CNNM1: variants seen among roughly 807,000 people sequenced by gnomAD.
CNNM1 encodes the protein cyclin and CBS domain divalent metal cation transport mediator 1.
In CNNM1, 44 loss-of-function variants were observed where a neutral mutation model predicts 78.8. That is an observed-to-expected ratio of 0.56 (90% CI 0.44 to 0.72). The LOEUF is 0.72. Among genes scored for constraint, CNNM1 ranks in the 30% least tolerant of loss-of-function variants. The pLI, the probability that CNNM1 is intolerant of heterozygous loss-of-function variation, is 0.00. For synonymous variants in CNNM1, 584 were observed against 581.5 expected (o/e 1.00, Z -0.06); for missense variants, 1,101 against 1,292.2 (o/e 0.85, Z 2.27).
At chr10:99,346,201 G>A (rs1034201864) in intron 1 of CNNM1, among the ~76,000 whole-genome samples, 2 of 152,118 alleles carry the variant, frequency 1.3e-5, no homozygotes, top group African/African-American at 4.8e-5. Flanking sequence ...TCGTTAATCC[G>A]GTTTTAGTGT....
intron 1 of CNNM1, among the ~76,000 whole-genome samples, chr10:99,352,878 T>A (rs1017894584): frequency 1.3e-5 from 2 of 152,202 alleles, no homozygotes; most frequent in African/African-American, 2.4e-5. Context: ...TCTATTTTTT[T>A]AATTTGATTG....
At chr10:99,390,494 G>GA in intron 10 of CNNM1, 87 bp downstream of exon 10, 1 of 995,746 alleles carries the variant, frequency 1.0e-6, no homozygotes, top group Non-Finnish European at 1.6e-6. Context: ...CTTGGGGGAG[G>GA]AGCCATGGAC....
intron 7 of CNNM1, among the ~76,000 whole-genome samples, chr10:99,381,773 A>C (rs1336006223): frequency 1.3e-5 from 2 of 151,726 alleles, no homozygotes; most frequent in Non-Finnish European, 1.5e-5. Context: ...CAAAAAAAAA[A>C]CTTTGATTAA....
rs1850582705 is a variant in CNNM1, at chr10:99,330,339, G to A, written c.952G>A (p.Glu318Lys). ...GFGGTGEDYS[E>K]EGIHFPWLPA... The stretch of plus-strand genomic sequence containing the variant: ...CGGGGGCACCGGGGAAGACTACAGC[G>A]AAGAGGGGATCCACTTCCCGTGGCT... The change falls in exon 1 of 11, where the codon GAA (glutamate) becomes AAA (lysine). Residue 318 changes from glutamate (E) to lysine (K), a missense_variant. This residue lies in a region of CNNM1 where 476 missense variants were observed against 484.5 expected (regional missense o/e 0.98). Transcript: ENST00000356713. The A allele has an allele frequency of 6.2e-7, 1 of 1,601,050 alleles. No individual in the cohort carries two copies. The highest frequency in any genetic ancestry group is 8.5e-7 in the Non-Finnish European group (1 of 1,174,886).
rs184905409 is a variant in CNNM1, at chr10:99,340,654, T to C, written c.1573+9694T>C. ...AGCTCTAAATTCTCTTTTTATTTGCTACTGTTATATTCCTTTTCAAAATGG... is the reference window on the plus strand; with the variant it reads ...AGCTCTAAATTCTCTTTTTATTTGCCACTGTTATATTCCTTTTCAAAATGG... On this transcript the variant is annotated intron_variant, in intron 1 of 10. Transcript: ENST00000356713. Among the ~76,000 whole-genome samples, 16 of 152,250 alleles carry C rather than the reference T, an allele frequency of 1.1e-4. No homozygotes were observed. In the East Asian group the frequency reaches 3.1e-3, roughly 29 times the overall value.
intron 1 of CNNM1, 140 bp downstream of exon 1, chr10:99,331,100 C>A: frequency 1.2e-6 from 1 of 800,846 alleles, no homozygotes; most frequent in Non-Finnish European, 1.9e-6. Context: ...TACCTCTTGG[C>A]TCCCTGGCTA....
At chr10:99,353,419 C>CAAT (rs1386156951) in intron 1 of CNNM1, among the ~76,000 whole-genome samples, 2 of 152,026 alleles carry the variant, frequency 1.3e-5, no homozygotes, top group Non-Finnish European at 2.9e-5. Flanking sequence ...CAGGTAGCTT[C>CAAT]AATAATAATA....
chr10:99,341,484 C>G (rs1055034940), intron 1 of CNNM1, among the ~76,000 whole-genome samples: 1 of 152,096 alleles, frequency 6.6e-6, no homozygotes, highest in Non-Finnish European at 1.5e-5. Flanking sequence ...TAAGAGGCAG[C>G]CTGGGGTACA....
intron 7 of CNNM1, among the ~76,000 whole-genome samples, chr10:99,380,021 CTT>C (rs34165882): frequency 0.024 from 2,499 of 103,956 alleles, 50 homozygotes; most frequent in African/African-American, 0.078. Context: ...TAAACTCTCT[CTT>C]TTTTTTTTTT....
chr10:99,345,862 A>T (rs955958669), intron 1 of CNNM1, among the ~76,000 whole-genome samples: 1 of 152,052 alleles, frequency 6.6e-6, no homozygotes, highest in African/African-American at 2.4e-5. Context: ...TTTTTAATTT[A>T]AAAAAATTTT....
At chr10:99,389,089 G>T (rs1264270299) in intron 9 of CNNM1, among the ~76,000 whole-genome samples, 2 of 152,120 alleles carry the variant, frequency 1.3e-5, no homozygotes, top group Non-Finnish European at 2.9e-5. Flanking sequence ...GACCTCTCAA[G>T]TCCAGAGCAA....
intron 6 of CNNM1, 48 bp from the exon 7 acceptor site, chr10:99,377,007 T>TC: frequency 3.4e-6 from 2 of 585,878 alleles, no homozygotes; most frequent in Non-Finnish European, 3.0e-6. Flanking sequence ...CCCTTCTTCC[T>TC]CCCCACCCAT....
intron 1 of CNNM1, among the ~76,000 whole-genome samples, chr10:99,348,061 T>G (rs936988426): frequency 2.6e-5 from 4 of 151,436 alleles, no homozygotes. Context: ...TTTTTTTTTT[T>G]TGAGACAACA....
chr10:99,369,178 C>A (rs1409922759), intron 6 of CNNM1, among the ~76,000 whole-genome samples: 2 of 152,254 alleles, frequency 1.3e-5, no homozygotes, highest in East Asian at 3.9e-4. Context: ...TAGGTTTAAC[C>A]TCTTTTGTTG....
Position 99,365,067 on chromosome 10 carries a change from G to T in CNNM1, c.2176+65G>T, listed in dbSNP as rs2031568062. Reference sequence around the variant, plus strand: ...TAGTCCTGCCTCAGCCCGCTCTGGGGACCTGGACCGAGCACTTTGAGCCTG... The same window carrying T: ...TAGTCCTGCCTCAGCCCGCTCTGGGTACCTGGACCGAGCACTTTGAGCCTG... On this transcript the variant is annotated intron_variant, in intron 6 of 10. Transcript: ENST00000356713. 2.6e-6 allele frequency: 4 copies of T among 1,545,514 alleles called. No individual in the cohort carries two copies. In the South Asian group the frequency reaches 4.5e-5, roughly 18 times the overall value.
At chr10:99,380,338 G>A (rs1395210831) in intron 7 of CNNM1, among the ~76,000 whole-genome samples, 4 of 152,164 alleles carry the variant, frequency 2.6e-5, no homozygotes, top group Admixed American at 2.0e-4. Context: ...GCTGCTTGGA[G>A]TAGAAAAGTG....
At chr10:99,390,902 A>G (rs752429173) in intron 10 of CNNM1, among the ~76,000 whole-genome samples, 62 of 152,348 alleles carry the variant, frequency 4.1e-4, no homozygotes, top group Non-Finnish European at 5.0e-4. Context: ...ATTCCTTCCT[A>G]AAAACAGACC....
intron 7 of CNNM1, among the ~76,000 whole-genome samples, chr10:99,384,333 C>T (rs186384246): frequency 5.3e-5 from 8 of 152,118 alleles, no homozygotes; most frequent in Admixed American, 4.6e-4. Context: ...GGCAGGAGTT[C>T]ATGATTTAAA....
At chr10:99,357,784 T>C (rs1204032223) in intron 2 of CNNM1, 129 bp downstream of exon 2, 2 of 803,444 alleles carry the variant, frequency 2.5e-6, no homozygotes, top group Admixed American at 3.6e-5. Context: ...GTCAGCCACC[T>C]ATGCCAGGTG....
Sources: allele counts gnomAD v4.1 joint callset (sites outside exome capture counted in the v4.1 genomes callset), GRCh38; gene constraint gnomAD v4.1.1; regional missense constraint gnomAD v4.1.1; transcripts MANE v1.5; gene names NCBI Gene and HGNC (gene_info 2026-07-23, HGNC 2026-07-21).